The following ZNF420 variants were observed in gnomAD, a reference collection of about 807,000 sequenced individuals.
The protein encoded by ZNF420 is zinc finger protein 420, also known as ATM and p53-associated KZNF protein.
A neutral mutation model predicts 44.7 loss-of-function variants in ZNF420; 31 were observed. The observed-to-expected ratio is 0.69, with a 90% CI of 0.52 to 0.94. ZNF420 has a LOEUF of 0.94. ZNF420 is among the 40% of genes least tolerant of loss of function. The pLI, the probability that ZNF420 is intolerant of heterozygous loss-of-function variation, is 0.00. For synonymous variants in ZNF420, 245 were observed against 267.4 expected (o/e 0.92, Z 0.82); for missense variants, 681 against 827.9 (o/e 0.82, Z 2.18).
rs140630310 is a variant in ZNF420 at position 37,090,899 on chromosome 19, G to A, written c.10-96G>A. 3.6e-3 allele frequency: 4,700 copies of A among 1,319,706 alleles called. 145 individuals are homozygous for A. The African/African-American group carries it at 0.064, about 18-fold the overall frequency. 81.7% of individuals were successfully genotyped at this position (1,319,706 alleles called of 1,614,324 possible). On this transcript the variant is annotated intron_variant, in intron 3 of 4. Coordinates refer to ENST00000337995, the MANE Select transcript of ZNF420 (RefSeq NM_144689.5). ...CGCGCCACTGCACTCCAGCCTGAGC[G>A]ACAGAGCAAGACTCCATCTCAAAAA...
intron 1 of ZNF420, among the ~76,000 whole-genome samples, chr19:37,013,461 C>T (rs2074587147): frequency 6.6e-6 from 1 of 152,286 alleles, no homozygotes; most frequent in South Asian, 2.1e-4. Flanking sequence ...GACCTCTCAA[C>T]GTGGTTGACA....
chr19:37,118,314 A>G (rs1298487312), intron 4 of ZNF420, among the ~76,000 whole-genome samples: 1 of 152,230 alleles, frequency 6.6e-6, no homozygotes, highest in Non-Finnish European at 1.5e-5. Flanking sequence ...AGGGGGGCCA[A>G]TATTCAACAT....
intron 1 of ZNF420, among the ~76,000 whole-genome samples, chr19:37,011,147 G>C (rs1040544279): frequency 6.6e-6 from 1 of 152,138 alleles, no homozygotes; most frequent in Non-Finnish European, 1.5e-5. Flanking sequence ...GATGCTTCTT[G>C]TTCTGGTTCA....
chr19:37,038,514 T>C (rs1017339753), intron 1 of ZNF420, among the ~76,000 whole-genome samples: 1 of 152,236 alleles, frequency 6.6e-6, no homozygotes, highest in Non-Finnish European at 1.5e-5. Flanking sequence ...TCTCAAACCC[T>C]GCTCTATCAA....
intron 1 of ZNF420, among the ~76,000 whole-genome samples, chr19:37,044,372 G>C (rs1967509215): frequency 6.6e-6 from 1 of 152,076 alleles, no homozygotes; most frequent in Non-Finnish European, 1.5e-5. Context: ...ACAAAACCGA[G>C]GATCGGTGGG....
upstream of ZNF420, among the ~76,000 whole-genome samples, chr19:37,075,684 G>A (rs1045945711): frequency 6.6e-6 from 1 of 152,296 alleles, no homozygotes; most frequent in African/African-American, 2.4e-5. Flanking sequence ...GGAGGTTGCA[G>A]TGAGCTGAGA....
chr19:37,112,212 C>G (rs1213569137), intron 4 of ZNF420, among the ~76,000 whole-genome samples: 1 of 152,010 alleles, frequency 6.6e-6, no homozygotes, highest in Non-Finnish European at 1.5e-5. Context: ...TCAATTGGGA[C>G]TTTAATGCCA....
chr19:37,031,537 G>A (rs764791387), intron 1 of ZNF420, among the ~76,000 whole-genome samples: 6 of 151,698 alleles, frequency 4.0e-5, no homozygotes, highest in Non-Finnish European at 7.4e-5. Flanking sequence ...ACGGAGTCTC[G>A]CTCTGTCGCC....
intron 1 of ZNF420, among the ~76,000 whole-genome samples, chr19:37,057,016 C>G (rs1435745118): frequency 1.3e-5 from 2 of 152,254 alleles, no homozygotes. Context: ...CGCGAAGCGC[C>G]AGCCAATTCT....
chr19:37,079,057 CTG>C (rs938160093), intron 1 of ZNF420, among the ~76,000 whole-genome samples: 10 of 152,076 alleles, frequency 6.6e-5, no homozygotes, highest in Non-Finnish European at 1.2e-4. Flanking sequence ...TTGTGTGTGA[CTG>C]TGGGGTTGTG....
intron 4 of ZNF420, among the ~76,000 whole-genome samples, chr19:37,123,362 C>CT (rs1971159350): frequency 6.6e-6 from 1 of 152,124 alleles, no homozygotes; most frequent in African/African-American, 2.4e-5. Flanking sequence ...TGTCTCTGAA[C>CT]TTTAGGCCTT....
At chr19:37,053,371 A>T (rs1363373419) in intron 1 of ZNF420, among the ~76,000 whole-genome samples, 7 of 152,106 alleles carry the variant, frequency 4.6e-5, no homozygotes, top group Non-Finnish European at 1.0e-4. Flanking sequence ...CGTCAAAGTC[A>T]TTTTCCATCC....
At chr19:37,042,685 GT>G (rs750010085) in intron 1 of ZNF420, among the ~76,000 whole-genome samples, 1 of 152,122 alleles carries the variant, frequency 6.6e-6, no homozygotes, top group South Asian at 2.1e-4. Context: ...TTAGGGCTTT[GT>G]TTTTTTATTA....
intron 1 of ZNF420, among the ~76,000 whole-genome samples, chr19:37,056,439 C>T (rs1045792970): frequency 9.9e-5 from 15 of 152,166 alleles, no homozygotes; most frequent in African/African-American, 3.4e-4. Context: ...CTCTTGGGGA[C>T]GCCAGTGACA....
At chr19:37,048,036 C>T (rs1355347365) in intron 1 of ZNF420, among the ~76,000 whole-genome samples, 1 of 152,152 alleles carries the variant, frequency 6.6e-6, no homozygotes, top group Non-Finnish European at 1.5e-5. Flanking sequence ...CTGTCATACA[C>T]ACAACATTTG....
rs991173023 is a variant in ZNF420, at chr19:37,030,608, T to C, written c.-125+22526T>C. Among the ~76,000 whole-genome samples the C allele has an allele frequency of 8.5e-5, 13 of 152,242 alleles. 1 individual carries two copies. The highest frequency in any genetic ancestry group is 1.5e-4 in the Non-Finnish European group (10 of 68,040). ...TGTGGCAAATGGAAAGATCTTGTTCTTTTTTAGGGCTGAACACAGAAGTTA... is the reference window on the plus strand; with the variant it reads ...TGTGGCAAATGGAAAGATCTTGTTCCTTTTTAGGGCTGAACACAGAAGTTA... On this transcript the variant is annotated intron_variant, in intron 1 of 4. Coordinates refer to the ZNF420 transcript ENST00000587029.
Position 37,130,330 on chromosome 19 carries a change from G to A in ZNF420, c.*1272G>A. ...CATCTTATTTGTTGATGCTATTGTA[G>A]TTCTGTTATTGACAATAAAAATTCT... On this transcript the variant is annotated 3_prime_UTR_variant, in exon 5 of 5. Transcript: ENST00000337995. The A allele has an allele frequency of 5.2e-6, 7 of 1,348,238 alleles. No individual in the cohort carries two copies. The highest frequency in any genetic ancestry group is 2.1e-5 in the South Asian group (1 of 46,980). 83.5% of individuals were successfully genotyped at this position (1,348,238 alleles called of 1,614,324 possible).
rs528698005 is a variant in ZNF420, at chr19:37,085,007, C to A, written c.-80-4032C>A. ...GATTTTGTGCTTATTTTTATTCTTT[C>A]TTTTCTTCTTACTTTCAGCTTCACT... On this transcript the variant is annotated intron_variant, in intron 2 of 4. Transcript: ENST00000337995. Among the ~76,000 whole-genome samples the A allele has an allele frequency of 1.9e-3, 284 of 151,982 alleles. 2 individuals carry two copies. Among genetic ancestry groups the A allele is most frequent in the Non-Finnish European group, 3.7e-3 (253 of 67,942 alleles).
chr19:37,073,302 A>G (rs1310905636), intron 1 of ZNF420, among the ~76,000 whole-genome samples: 2 of 152,250 alleles, frequency 1.3e-5, no homozygotes, highest in East Asian at 3.8e-4. Context: ...TATTGGATGC[A>G]TAACATTCTG....
Sources: allele counts gnomAD v4.1 joint callset (sites outside exome capture counted in the v4.1 genomes callset), GRCh38; gene constraint gnomAD v4.1.1; transcripts MANE v1.5; gene names NCBI Gene and HGNC (gene_info 2026-07-23, HGNC 2026-07-21).